Variants in IL19 observed in about 807,000 individuals in gnomAD.
IL19 encodes interleukin-19.
IL19 carries 15 observed loss-of-function variants against 19.5 expected under a neutral mutation model. That is an observed-to-expected ratio of 0.77 (90% CI 0.52 to 1.19). IL19 has a LOEUF of 1.19. IL19 is among the 50% of genes most tolerant of loss of function. The probability of loss-of-function intolerance (pLI) is 0.00; values close to 1 mark genes in which losing one functional copy is unlikely to be tolerated. For missense variants in IL19, 199 were observed against 213.1 expected (o/e 0.93, Z 0.41); for synonymous variants, 78 against 78.3 (o/e 1.00, Z 0.02).
intron 2 of IL19, among the ~76,000 whole-genome samples, chr1:206,811,117 A>G (rs1675995190): frequency 6.6e-6 from 1 of 152,116 alleles, no homozygotes; most frequent in Non-Finnish European, 1.5e-5. Flanking sequence ...TAAGATAAAT[A>G]CCATAAAAAA....
At chr1:206,814,993 T>C (rs1676116551) in intron 2 of IL19, among the ~76,000 whole-genome samples, 1 of 152,214 alleles carries the variant, frequency 6.6e-6, no homozygotes, top group Non-Finnish European at 1.5e-5. Context: ...AAATATACAA[T>C]CTGGGCAGGG....
intron 2 of IL19, among the ~76,000 whole-genome samples, chr1:206,815,941 G>A (rs2102470887): frequency 6.6e-6 from 1 of 152,158 alleles, no homozygotes; most frequent in South Asian, 2.1e-4. Context: ...TCATTACAAT[G>A]TTGATGAGAA....
intron 1 of IL19, among the ~76,000 whole-genome samples, chr1:206,783,623 G>T (rs1292219612): frequency 6.6e-6 from 1 of 152,176 alleles, no homozygotes; most frequent in Non-Finnish European, 1.5e-5. Context: ...AAGGCTGGAA[G>T]TGCCTTCCCC....
rs1351330616 is a variant in IL19 at position 206,842,826 on chromosome 1, G to A, written c.*204G>A. ...TTGTAATAAACTCTATCTGCTGAAA[G>A]GGCCTGCAGGCCATCCTGGGAGTAA... On this transcript the variant is annotated 3_prime_UTR_variant, in exon 7 of 7. Coordinates refer to ENST00000659997, the MANE Select transcript of IL19 (RefSeq NM_153758.5). The A allele has an allele frequency of 8.2e-6, 4 of 486,754 alleles. No homozygotes were observed. The South Asian group carries it at 1.2e-4, about 15-fold the overall frequency. The allele number at this position is 486,754 out of a possible 1,614,324, so 30.2% of individuals were successfully genotyped here. A position where few individuals can be genotyped will look rare whatever the true frequency, so the allele number is the denominator to read the frequency against.
chr1:206,809,679 C>G (rs1489137270), intron 2 of IL19, among the ~76,000 whole-genome samples: 1 of 152,182 alleles, frequency 6.6e-6, no homozygotes, highest in Non-Finnish European at 1.5e-5. Flanking sequence ...GCAATTGGCA[C>G]TAGATGGCAC....
At chr1:206,837,621 G>C (rs946286932) in intron 4 of IL19, among the ~76,000 whole-genome samples, 19 of 90,338 alleles carry the variant, frequency 2.1e-4, no homozygotes, top group Non-Finnish European at 4.0e-4. Context: ...GGCTGAGGCT[G>C]GTAGGATTGC....
intron 6 of IL19, among the ~76,000 whole-genome samples, chr1:206,841,691 A>T (rs1197951922): frequency 6.6e-6 from 1 of 152,228 alleles, no homozygotes; most frequent in Non-Finnish European, 1.5e-5. Context: ...GGAGTCTGTT[A>T]TGGGCTCTGC....
Position 206,822,352 on chromosome 1 carries a change from G to A in IL19, c.-2-14309G>A, listed in dbSNP as rs542795200. ...AAGAATCCTGGAGGAGAATGCTGGA[G>A]GCTGGTGGGTGATATGGAGGAAAGA... On this transcript the variant is annotated intron_variant, in intron 2 of 6. Coordinates refer to ENST00000659997, the MANE Select transcript of IL19 (RefSeq NM_153758.5). Among the ~76,000 whole-genome samples, 6 of 152,302 alleles carry A rather than the reference G, an allele frequency of 3.9e-5. No homozygotes were observed. The East Asian group carries it at 9.6e-4, about 24-fold the overall frequency.
intron 6 of IL19, among the ~76,000 whole-genome samples, chr1:206,841,791 CACA>C (rs1436451015): frequency 1.3e-5 from 2 of 152,186 alleles, no homozygotes; most frequent in Admixed American, 6.5e-5. Context: ...GCTCTAGGCA[CACA>C]ACAAGTATTA....
chr1:206,831,368 C>T (rs1676605070), intron 2 of IL19, among the ~76,000 whole-genome samples: 1 of 152,110 alleles, frequency 6.6e-6, no homozygotes, highest in Admixed American at 6.6e-5. Context: ...GTCCATTGGT[C>T]CCAGAAGTCC....
At chr1:206,823,667 C>T (rs1360948822) in intron 2 of IL19, among the ~76,000 whole-genome samples, 5 of 151,692 alleles carry the variant, frequency 3.3e-5, no homozygotes. Flanking sequence ...TTTGTGTTCT[C>T]TATAATTTTT....
intron 2 of IL19, among the ~76,000 whole-genome samples, chr1:206,806,842 TG>T (rs1308123884): frequency 2.0e-5 from 3 of 152,228 alleles, no homozygotes; most frequent in Admixed American, 2.0e-4. Flanking sequence ...TAAGCCATTT[TG>T]TACATGTCAT....
At chr1:206,801,811 A>G (rs1434721446) in intron 2 of IL19, among the ~76,000 whole-genome samples, 1 of 152,224 alleles carries the variant, frequency 6.6e-6, no homozygotes, top group Middle Eastern at 3.2e-3. Flanking sequence ...CCTGGTCATG[A>G]GCAACAGTGC....
At chr1:206,810,167 G>T (rs1398911019) in intron 2 of IL19, among the ~76,000 whole-genome samples, 1 of 152,232 alleles carries the variant, frequency 6.6e-6, no homozygotes, top group African/African-American at 2.4e-5. Flanking sequence ...TGTGAGAATA[G>T]ATTCTAAGGG....
intron 1 of IL19, among the ~76,000 whole-genome samples, chr1:206,774,285 GA>G (rs915217998): frequency 6.6e-6 from 1 of 152,208 alleles, no homozygotes; most frequent in Non-Finnish European, 1.5e-5. Flanking sequence ...CAGGAAGTGA[GA>G]AAGAGCCTGC....
intron 1 of IL19, among the ~76,000 whole-genome samples, chr1:206,778,006 T>A (rs1181017700): frequency 6.6e-6 from 1 of 152,226 alleles, no homozygotes; most frequent in Non-Finnish European, 1.5e-5. Context: ...TCCTCTGGGC[T>A]TTCCTGACAT....
intron 2 of IL19, among the ~76,000 whole-genome samples, chr1:206,827,827 G>C (rs1228432167): frequency 1.3e-5 from 2 of 152,220 alleles, no homozygotes; most frequent in African/African-American, 2.4e-5. Flanking sequence ...CCCTGGAGTG[G>C]GCTGCCTATG....
At position 206,831,618 on chromosome 1, in the gene IL19, G is replaced by A. The variant is rs750541915; in HGVS notation, c.-2-5043G>A. 9.2e-5 allele frequency among the ~76,000 whole-genome samples: 14 copies of A among 152,260 alleles called. No homozygotes were observed. In the South Asian group the frequency reaches 1.5e-3, roughly 16 times the overall value. Reference sequence around the variant, plus strand: ...GTCATTTTCAAGTTGCTTATTATGCGCCAGGTACTGTGCTGAGGAATTATG... The same window carrying A: ...GTCATTTTCAAGTTGCTTATTATGCACCAGGTACTGTGCTGAGGAATTATG... On this transcript the variant is annotated intron_variant, in intron 2 of 6. Transcript: ENST00000659997.
At chr1:206,804,029 G>C (rs567869537) in intron 2 of IL19, among the ~76,000 whole-genome samples, 2 of 152,328 alleles carry the variant, frequency 1.3e-5, no homozygotes, top group African/African-American at 4.8e-5. Flanking sequence ...TCTTCGCCCT[G>C]TCTCTTCCCT....
Sources: allele counts gnomAD v4.1 joint callset (sites outside exome capture counted in the v4.1 genomes callset), GRCh38; gene constraint gnomAD v4.1.1; transcripts MANE v1.5; gene names NCBI Gene and HGNC (gene_info 2026-07-23, HGNC 2026-07-21).